NR6A1: variants seen among roughly 807,000 people sequenced by gnomAD.
NR6A1 encodes nuclear receptor subfamily 6 group A member 1.
Under a neutral mutation model 59.1 loss-of-function variants are expected in NR6A1, and 7 were observed. That is an observed-to-expected ratio of 0.12 (90% CI 0.07 to 0.22). The LOEUF (loss-of-function observed/expected upper bound fraction) is 0.22. Among genes scored for constraint, NR6A1 ranks in the 10% least tolerant of loss-of-function variants. The pLI is 1.00. For synonymous variants in NR6A1, 243 were observed against 236.1 expected, an observed-to-expected ratio of 1.03 and a Z score of -0.27; for missense variants, 468 against 611.6, an observed-to-expected ratio of 0.77 and a Z score of 2.48.
At chr9:124,710,174 G>A (rs73585403) in intron 2 of NR6A1, among the ~76,000 whole-genome samples, 5,633 of 152,122 alleles carry the variant, frequency 0.037, 334 homozygotes, top group African/African-American at 0.13. Context: ...CACGAGACAA[G>A]TCAACAAAAG....
intron 1 of NR6A1, among the ~76,000 whole-genome samples, chr9:124,767,302 C>T (rs986291500): frequency 6.6e-6 from 1 of 151,892 alleles, no homozygotes; most frequent in Non-Finnish European, 1.5e-5. Flanking sequence ...CTTTTTGCTA[C>T]GGAAGTCAGA....
At chr9:124,742,713 A>G (rs1341508175) in intron 1 of NR6A1, among the ~76,000 whole-genome samples, 2 of 151,922 alleles carry the variant, frequency 1.3e-5, no homozygotes, top group African/African-American at 4.8e-5. Flanking sequence ...CGTCTCTAGT[A>G]AAAACACAAA....
intron 2 of NR6A1, among the ~76,000 whole-genome samples, chr9:124,677,979 G>C (rs993556267): frequency 6.6e-6 from 1 of 152,066 alleles, no homozygotes; most frequent in African/African-American, 2.4e-5. Context: ...AGAGAACAAA[G>C]GGAAACATGG....
chr9:124,631,196 C>A (rs79959587), intron 2 of NR6A1, among the ~76,000 whole-genome samples: 1,567 of 152,138 alleles, frequency 0.01, 25 homozygotes, highest in African/African-American at 0.036. Context: ...CTCCCATGAC[C>A]AGCGAGAGGG....
chr9:124,530,263 C>G (rs1030114247), intron 7 of NR6A1, among the ~76,000 whole-genome samples: 4 of 152,184 alleles, frequency 2.6e-5, no homozygotes, highest in African/African-American at 9.7e-5. Flanking sequence ...ACCGTGGACC[C>G]CCAGCAGTGA....
intron 1 of NR6A1, among the ~76,000 whole-genome samples, chr9:124,743,594 T>C (rs1435985352): frequency 6.6e-6 from 1 of 152,206 alleles, no homozygotes; most frequent in Non-Finnish European, 1.5e-5. Context: ...TCATATAGTT[T>C]TTCCGGCTTC....
At chr9:124,530,406 C>T (rs115660203) in intron 7 of NR6A1, among the ~76,000 whole-genome samples, 1 of 152,332 alleles carries the variant, frequency 6.6e-6, no homozygotes, top group African/African-American at 2.4e-5. Flanking sequence ...CCTTTGCCTG[C>T]AGCCGTGCCT....
chr9:124,670,418 G>A (rs999134257), intron 2 of NR6A1, among the ~76,000 whole-genome samples: 3 of 151,296 alleles, frequency 2.0e-5, no homozygotes, highest in Non-Finnish European at 2.9e-5. Flanking sequence ...CATACTTCTC[G>A]AATTTCTTTT....
chr9:124,566,278 A>T (rs1834238230), intron 2 of NR6A1, among the ~76,000 whole-genome samples: 1 of 152,218 alleles, frequency 6.6e-6, no homozygotes, highest in African/African-American at 2.4e-5. Context: ...GGTGGTAGGG[A>T]GAAGCTTCTG....
chr9:124,751,514 C>T (rs577021478), intron 1 of NR6A1, among the ~76,000 whole-genome samples: 27 of 152,328 alleles, frequency 1.8e-4, no homozygotes, highest in African/African-American at 6.5e-4. Flanking sequence ...TTACCCTGAG[C>T]TAAGCTCTGG....
chr9:124,739,185 C>T (rs1335605819), intron 1 of NR6A1, among the ~76,000 whole-genome samples: 2 of 141,084 alleles, frequency 1.4e-5, no homozygotes, highest in Non-Finnish European at 3.0e-5. Flanking sequence ...GAGACTCCAT[C>T]TCAAAAAAAA....
chr9:124,560,205 T>G (rs1462708053), intron 2 of NR6A1, among the ~76,000 whole-genome samples: 1 of 152,228 alleles, frequency 6.6e-6, no homozygotes, highest in Non-Finnish European at 1.5e-5. Context: ...ACCTAAAACC[T>G]GAAGTATTTG....
chr9:124,599,433 A>T, intron 2 of NR6A1: 1 of 409,226 alleles, frequency 2.4e-6, no homozygotes, highest in Non-Finnish European at 4.7e-6. Context: ...AAAAAAAAAA[A>T]AAAGTTCCTC....
chr9:124,585,459 G>C (rs1412851245), intron 2 of NR6A1, among the ~76,000 whole-genome samples: 1 of 149,910 alleles, frequency 6.7e-6, no homozygotes, highest in Non-Finnish European at 1.5e-5. Flanking sequence ...CAGGAGAATG[G>C]TGTAAACCCA....
At chr9:124,688,977 GT>G (rs1037298210) in intron 2 of NR6A1, among the ~76,000 whole-genome samples, 1 of 152,090 alleles carries the variant, frequency 6.6e-6, no homozygotes, top group Non-Finnish European at 1.5e-5. Context: ...AAACTAAAAC[GT>G]TATGGGAAAT....
At chr9:124,690,935 T>C (rs980190956) in intron 2 of NR6A1, among the ~76,000 whole-genome samples, 2 of 152,226 alleles carry the variant, frequency 1.3e-5, no homozygotes, top group African/African-American at 4.8e-5. Flanking sequence ...TACCTTTCTG[T>C]AGTTTTTCAA....
intron 2 of NR6A1, chr9:124,692,696 G>A (rs963535111): frequency 5.7e-5 from 14 of 244,146 alleles, no homozygotes; most frequent in African/African-American, 2.3e-4. Flanking sequence ...TTTCTGTTGT[G>A]TGTTTTATTA....
intron 1 of NR6A1, among the ~76,000 whole-genome samples, chr9:124,745,447 A>G (rs1343305859): frequency 1.3e-5 from 2 of 152,072 alleles, no homozygotes; most frequent in Non-Finnish European, 2.9e-5. Flanking sequence ...TGAGGCGGGC[A>G]GATCACCTGA....
rs1832762927 is a variant in NR6A1 at position 124,519,885 on chromosome 9, G to A, written c.*2820C>T. On this transcript the variant is annotated 3_prime_UTR_variant, in exon 10 of 10. Coordinates refer to ENST00000487099, the MANE Select transcript of NR6A1 (RefSeq NM_033334.4). ...CCACTGCACTCCAGCCTGAGCGACA[G>A]AGCGAGACTCCGCCTCAAAAAAAAA... 1 of 115,862 alleles carries A rather than the reference G, an allele frequency of 8.6e-6. No homozygotes were observed. The highest frequency in any genetic ancestry group is 3.0e-4 in the South Asian group (1 of 3,334). 7.2% of individuals were successfully genotyped at this position (115,862 alleles called of 1,614,324 possible). A position where few individuals can be genotyped will look rare whatever the true frequency, so the allele number is the denominator to read the frequency against.
Sources: gnomAD v4.1 joint callset for allele counts (sites outside exome capture counted in the v4.1 genomes callset) on GRCh38, gnomAD v4.1.1 for gene constraint, MANE v1.5 for transcripts, NCBI Gene and HGNC (gene_info 2026-07-23, HGNC 2026-07-21) for gene names.